AIFM3: variants seen among roughly 807,000 people sequenced by gnomAD.
AIFM3 encodes apoptosis-inducing factor 3.
AIFM3 carries 71 observed loss-of-function variants against 82.7 expected under a neutral mutation model. The ratio of observed to expected loss-of-function variants is 0.86; its 90% CI spans 0.71 to 1.05. The LOEUF is 1.05. Ranked by LOEUF, AIFM3 falls within the 50% of genes least tolerant of loss-of-function variation. The pLI, the probability that AIFM3 is intolerant of heterozygous loss-of-function variation, is 0.00. For missense variants in AIFM3, 748 were observed against 816.7 expected (o/e 0.92, Z 1.03); for synonymous variants, 337 against 329.1 (o/e 1.02, Z -0.26).
chr22:20,974,498 G>T (rs2147942469), intron 6 of AIFM3, 27 bp from the exon 7 acceptor site: 1 of 1,599,086 alleles, frequency 6.3e-7, no homozygotes, highest in South Asian at 1.1e-5. Context: ...GGATGGCAGT[G>T]ACCCTCCACC....
At chr22:20,968,799 C>CCAGCCAGCTCACCA (rs1168285049) in intron 2 of AIFM3, among the ~76,000 whole-genome samples, 8 of 151,130 alleles carry the variant, frequency 5.3e-5, no homozygotes, top group African/African-American at 9.8e-5. Context: ...CCACGCTGCC[C>CCAGCCAGCTCACCA]CAGCCAGCTC....
rs553149890 is a variant in AIFM3 at position 20,978,019 on chromosome 22, C to T, written c.1477+14C>T. The T allele has an allele frequency of 5.5e-5, 89 of 1,612,888 alleles. No individual in the cohort carries two copies. The Middle Eastern group carries it at 6.6e-4, about 12-fold the overall frequency. On this transcript the variant is annotated intron_variant, in intron 16 of 20. Coordinates refer to ENST00000440238, the MANE Select transcript of AIFM3 (RefSeq NM_001386814.1). ...CTCATGCTCAGGGTATGGCCAGTCC[C>T]GAGGCACATGGAGGGGTGGGAGGGA...
chr22:20,972,464 T>G lies in AIFM3; in HGVS notation c.32-843T>G, dbSNP rs546758501. 9.2e-5 allele frequency among the ~76,000 whole-genome samples: 14 copies of G among 152,306 alleles called. No individual in the cohort carries two copies. In the Middle Eastern group the frequency reaches 0.01, roughly 111 times the overall value. On this transcript the variant is annotated intron_variant, in intron 2 of 20. Coordinates refer to ENST00000440238, the MANE Select transcript of AIFM3 (RefSeq NM_001386814.1). Reference sequence around the variant, plus strand: ...GTGAATTATGCTGTGTACATTTTTTTTAATTTTTGAAAAAAATTCAAATAT... The same window carrying G: ...GTGAATTATGCTGTGTACATTTTTTGTAATTTTTGAAAAAAATTCAAATAT...
Position 20,981,349 on chromosome 22 carries a change from A to C in AIFM3, c.*318A>C. On this transcript the variant is annotated 3_prime_UTR_variant, in exon 21 of 21. Transcript: ENST00000440238. ...CATTACCGTAAAATTAAAACGCACA[A>C]ATTTGCAGATCTGTATGACTCCCAG... 3 of 380,450 alleles carry C rather than the reference A, an allele frequency of 7.9e-6. No homozygotes were observed. Among genetic ancestry groups the C allele is most frequent in the South Asian group, 5.1e-5 (2 of 39,292 alleles). 23.6% of individuals were successfully genotyped at this position (380,450 alleles called of 1,614,324 possible).
At chr22:20,974,374 G>T (rs1038434638) in intron 6 of AIFM3, 78 bp downstream of exon 6, 1 of 1,582,640 alleles carries the variant, frequency 6.3e-7, no homozygotes, top group African/African-American at 1.3e-5. Flanking sequence ...CATGTGCAAA[G>T]CCCTGTGGTG....
Position 20,979,687 on chromosome 22 carries a change from T to C in AIFM3, c.1637T>C (p.Val546Ala). 1.9e-6 allele frequency: 3 copies of C among 1,614,220 alleles called. No homozygotes were observed. Among genetic ancestry groups the C allele is most frequent in the Non-Finnish European group, 2.5e-6 (3 of 1,180,024 alleles). ...GGGGATCTGGAGGAGCTGAAGTTTG[T>C]GGCTTTTTACACTAAGTGAGAGCAC... ...IQGDLEELKF[V>A]AFYTKGDEVI... The change falls in exon 18 of 21, where the codon GTG becomes GCG. Residue 546 changes from valine (V) to alanine (A), a missense_variant. Val to Ala is a moderately conservative substitution (Grantham distance 64). Around this residue, in one of 5 missense-constraint regions of AIFM3, gnomAD observed 183 missense variants for 158.2 expected, o/e 1.16. Transcript: ENST00000440238.
chr22:20,976,498 C>T lies in AIFM3; in HGVS notation c.990C>T (p.Ala330=), dbSNP rs7285694. ...ATGCCAATCGCGTGGTGAGGCTGGC[C>T]CGAGGCCGCAACGTGGTCGTCGTGG... The part of the protein sequence containing the change: ...PEDANRVVRL[A]RGRNVVVVGA... Residue 330 remains alanine (A), a synonymous_variant, in exon 11 of 21, where the codon GCC becomes GCT. Coordinates refer to ENST00000440238, the MANE Select transcript of AIFM3 (RefSeq NM_001386814.1). 447,407 of 1,613,476 alleles carry T rather than the reference C, an allele frequency of 0.28. 64,622 individuals are homozygous for T. The highest frequency in any genetic ancestry group is 0.32 in the Middle Eastern group (1,970 of 6,062).
At chr22:20,980,307 GT>G in intron 19 of AIFM3, 183 bp downstream of exon 19, 1 of 621,366 alleles carries the variant, frequency 1.6e-6, no homozygotes, top group Middle Eastern at 4.3e-4. Context: ...GAGCAGGCTG[GT>G]TATGTGTTCA....
chr22:20,980,867 T>C, intron 20 of AIFM3, 100 bp downstream of exon 20: 1 of 1,608,108 alleles, frequency 6.2e-7, no homozygotes, highest in Non-Finnish European at 8.5e-7. Flanking sequence ...TACACCTCCC[T>C]GCTGGGCACT....
At chr22:20,976,803 G>A in intron 12 of AIFM3, 37 bp downstream of exon 12, 1 of 1,601,628 alleles carries the variant, frequency 6.2e-7, no homozygotes, top group Non-Finnish European at 8.5e-7. Context: ...TTGGAGCCCT[G>A]GGGCCCAGCC....
In AIFM3 at chr22:20,977,014, T is replaced by G. The variant is rs754933734; in HGVS notation, c.1219-18T>G. On this transcript the variant is annotated intron_variant, in intron 13 of 20. Coordinates refer to ENST00000440238, the MANE Select transcript of AIFM3 (RefSeq NM_001386814.1). ...CCTGGGAGCTGGGTCCACCTGTTTATCCACCCACTCCCCACAGCTGAAGGA... is the reference window on the plus strand; with the variant it reads ...CCTGGGAGCTGGGTCCACCTGTTTAGCCACCCACTCCCCACAGCTGAAGGA... The G allele has an allele frequency of 1.6e-5, 26 of 1,614,042 alleles. No individual in the cohort carries two copies. Among genetic ancestry groups the G allele is most frequent in the Middle Eastern group, 1.6e-4 (1 of 6,084 alleles).
At position 20,973,486 on chromosome 22, in the gene AIFM3, G is replaced by A. The variant is rs761598054; in HGVS notation, c.211G>A (p.Ala71Thr). Residue 71 changes from alanine to threonine, a missense_variant, in exon 3 of 21, where the codon GCT (alanine) becomes ACT (threonine). Transcript: ENST00000440238. ...CAGCCCTCAGGATTGCGTGGAGGCT[G>A]CTGTCTGCCACGTCAAGGACCTCGA... ...YPSPQDCVEA[A>T]VCHVKDLENG... 1.2e-6 allele frequency: 2 copies of A among 1,612,826 alleles called. No individual in the cohort carries two copies. The highest frequency in any genetic ancestry group is 2.2e-5 in the East Asian group (1 of 44,880).
At chr22:20,968,096 C>G (rs1923033046) in intron 2 of AIFM3, 121 bp downstream of exon 2, 1 of 999,584 alleles carries the variant, frequency 1.0e-6, no homozygotes, top group Non-Finnish European at 1.5e-6. Context: ...TATCCAAGAA[C>G]CCGCTCGGAA....
intron 2 of AIFM3, among the ~76,000 whole-genome samples, chr22:20,972,457 A>AT (rs1387880937): frequency 2.6e-4 from 39 of 151,808 alleles, no homozygotes; most frequent in African/African-American, 7.5e-4. Context: ...TGCTGTGTAC[A>AT]TTTTTTTTAA....
intron 1 of AIFM3, among the ~76,000 whole-genome samples, 195 bp downstream of exon 1, chr22:20,967,498 G>A (rs1922964428): frequency 6.6e-6 from 1 of 152,132 alleles, no homozygotes; most frequent in Non-Finnish European, 1.5e-5. Flanking sequence ...GATTTGGAGA[G>A]GGGAAGGGGG....
At chr22:20,969,748 G>A (rs534359943) in intron 2 of AIFM3, among the ~76,000 whole-genome samples, 1 of 152,276 alleles carries the variant, frequency 6.6e-6, no homozygotes, top group South Asian at 2.1e-4. Flanking sequence ...GGCCTCCCCT[G>A]TGGGGCTGTA....
chr22:20,975,119 C>T (rs1042770041), intron 8 of AIFM3, among the ~76,000 whole-genome samples: 1 of 152,130 alleles, frequency 6.6e-6, no homozygotes, highest in Non-Finnish European at 1.5e-5. Flanking sequence ...TGCACCACCA[C>T]CATGCCTGGC....
intron 14 of AIFM3, 170 bp from the exon 15 acceptor site, chr22:20,977,530 G>A (rs990583250): frequency 2.3e-5 from 17 of 730,150 alleles, no homozygotes; most frequent in Admixed American, 7.1e-5. Context: ...GGGAGGCACC[G>A]GGTCTGTGGG....
chr22:20,975,132 A>C (rs1207238186), intron 8 of AIFM3, among the ~76,000 whole-genome samples: 1 of 151,758 alleles, frequency 6.6e-6, no homozygotes, highest in African/African-American at 2.4e-5. Flanking sequence ...TGCCTGGCTA[A>C]TTTTTTGTAT....
Sources: allele counts gnomAD v4.1 joint callset (sites outside exome capture counted in the v4.1 genomes callset), GRCh38; gene constraint gnomAD v4.1.1; regional missense constraint gnomAD v4.1.1; transcripts MANE v1.5; gene names NCBI Gene and HGNC (gene_info 2026-07-23, HGNC 2026-07-21).